The following HIRA variants were observed in gnomAD, a reference collection of about 807,000 sequenced individuals.
The protein encoded by HIRA is protein HIRA.
In HIRA, 13 loss-of-function variants were observed where a neutral mutation model predicts 126.6. That is an observed-to-expected ratio of 0.10 (90% confidence interval 0.07 to 0.16). The LOEUF is 0.16. HIRA is among the 10% of genes least tolerant of loss of function. The pLI is 1.00. For synonymous variants in HIRA, 511 were observed against 520.0 expected (o/e 0.98, Z 0.24); for missense variants, 834 against 1,314.4 (o/e 0.63, Z 5.65).
intron 1 of HIRA, among the ~76,000 whole-genome samples, chr22:19,416,198 T>C (rs1367097152): frequency 6.6e-6 from 1 of 152,262 alleles, no homozygotes; most frequent in Non-Finnish European, 1.5e-5. Context: ...GTTGGATCCC[T>C]ATCTCATACC....
chr22:19,338,666 A>T (rs1403190099), intron 24 of HIRA, among the ~76,000 whole-genome samples: 3 of 152,332 alleles, frequency 2.0e-5, no homozygotes, highest in African/African-American at 7.2e-5. Flanking sequence ...AGAAATAGCT[A>T]TTCTTATATC....
chr22:19,431,281 C>T (rs1319103213), intron 1 of HIRA, among the ~76,000 whole-genome samples, 159 bp downstream of exon 1: 2 of 152,132 alleles, frequency 1.3e-5, no homozygotes, highest in African/African-American at 2.4e-5. Context: ...CCAGCCTCTC[C>T]GCGCTGAGGA....
At chr22:19,410,318 C>A (rs1018456574) in intron 2 of HIRA, among the ~76,000 whole-genome samples, 1 of 152,186 alleles carries the variant, frequency 6.6e-6, no homozygotes, top group Non-Finnish European at 1.5e-5. Flanking sequence ...AATAACTACA[C>A]GATTGCTTTA....
At chr22:19,349,609 A>AT (rs370711402) in intron 24 of HIRA, among the ~76,000 whole-genome samples, 73 of 152,308 alleles carry the variant, frequency 4.8e-4, no homozygotes, top group African/African-American at 1.5e-3. Context: ...TTTACAATAG[A>AT]TTTTTTTAGC....
intron 7 of HIRA, among the ~76,000 whole-genome samples, chr22:19,395,147 A>T (rs937501703): frequency 6.6e-6 from 1 of 152,116 alleles, no homozygotes; most frequent in African/African-American, 2.4e-5. Flanking sequence ...ATCCCTCCAC[A>T]TTATCCCTCC....
At chr22:19,396,406 C>T (rs945839164) in intron 7 of HIRA, among the ~76,000 whole-genome samples, 2 of 152,186 alleles carry the variant, frequency 1.3e-5, no homozygotes, top group African/African-American at 2.4e-5. Flanking sequence ...ATCCCAGCTA[C>T]TCAGGAGGCT....
intron 24 of HIRA, among the ~76,000 whole-genome samples, chr22:19,341,110 G>C (rs1270056550): frequency 6.6e-6 from 1 of 152,176 alleles, no homozygotes; most frequent in African/African-American, 2.4e-5. Context: ...GAGCCCAGGA[G>C]TTCGAAACCA....
rs575050947 is a variant in HIRA, at chr22:19,390,601, C to CAAAAAAAAAAAAAAAAAAAAAAAAAAAA, written c.936+1499_936+1500insTTTTTTTTTTTTTTTTTTTTTTTTTTTT. ...TGGGCAATAGAGGGAGACTCTGTCT[C>CAAAAAAAAAAAAAAAAAAAAAAAAAAAA]AAAAAAAAAAAAAAAAAAAAAAAAA... is the stretch of plus-strand genomic sequence containing the variant. On this transcript the variant is annotated intron_variant, in intron 9 of 24. Transcript: ENST00000263208. Among the ~76,000 whole-genome samples, 11 of 38,340 alleles carry CAAAAAAAAAAAAAAAAAAAAAAAAAAAA rather than the reference C, an allele frequency of 2.9e-4. 1 individual carries two copies. Among genetic ancestry groups the CAAAAAAAAAAAAAAAAAAAAAAAAAAAA allele is most frequent in the South Asian group, 1.8e-3 (1 of 548 alleles). The allele number at this position is 38,340 out of a possible 152,430, so 25.2% of individuals were successfully genotyped here. A position where few individuals can be genotyped will look rare whatever the true frequency, so the allele number is the denominator to read the frequency against.
rs2089539431 is a variant in HIRA at position 19,431,529 on chromosome 22, G to C, written c.-53C>G. On this transcript the variant is annotated 5_prime_UTR_variant, in exon 1 of 25. Coordinates refer to ENST00000263208, the MANE Select transcript of HIRA (RefSeq NM_003325.4). ...AGGCGAGCGCCGGGTCCCTCAGCGC[G>C]CCCGGGCCATGGAGCCACCGCCGCC... 6.8e-7 allele frequency: 1 copy of C among 1,473,906 alleles called. No individual in the cohort carries two copies. Among genetic ancestry groups the C allele is most frequent in the Non-Finnish European group, 9.0e-7 (1 of 1,107,220 alleles). 91.3% of individuals were successfully genotyped at this position (1,473,906 alleles called of 1,614,324 possible). A position where few individuals can be genotyped will look rare whatever the true frequency, so the allele number is the denominator to read the frequency against.
At chr22:19,354,761 G>A (rs2088794233) in intron 21 of HIRA, among the ~76,000 whole-genome samples, 1 of 149,370 alleles carries the variant, frequency 6.7e-6, no homozygotes, top group African/African-American at 2.4e-5. Context: ...GGGGGAGCAG[G>A]CAGTGGAGAT....
chr22:19,364,359 C>T (rs1440531000), intron 15 of HIRA, among the ~76,000 whole-genome samples: 1 of 152,100 alleles, frequency 6.6e-6, no homozygotes, highest in Non-Finnish European at 1.5e-5. Context: ...CACAGGCATA[C>T]CTTGTGTTAT....
chr22:19,373,662 C>G (rs1344905443), intron 15 of HIRA, among the ~76,000 whole-genome samples: 1 of 152,186 alleles, frequency 6.6e-6, no homozygotes, highest in East Asian at 1.9e-4. Flanking sequence ...TGTGGTTACA[C>G]AGTCTCAAGG....
At chr22:19,350,363 A>G (rs1392017369) in intron 24 of HIRA, among the ~76,000 whole-genome samples, 1 of 152,174 alleles carries the variant, frequency 6.6e-6, no homozygotes, top group African/African-American at 2.4e-5. Context: ...GATTGAATGA[A>G]GCTGTGAGCT....
intron 5 of HIRA, chr22:19,405,457 G>T (rs2089300470): frequency 1.0e-6 from 1 of 983,770 alleles, no homozygotes; most frequent in South Asian, 4.7e-5. Context: ...AACAAAGTGT[G>T]CTTACGGACT....
In HIRA at chr22:19,361,722, C is replaced by T; in HGVS notation, c.1980+5G>A. 1 of 1,612,256 alleles carries T rather than the reference C, an allele frequency of 6.2e-7. No homozygotes were observed. Among genetic ancestry groups the T allele is most frequent in the Non-Finnish European group, 8.5e-7 (1 of 1,179,942 alleles). On this transcript the variant is annotated splice_donor_5th_base_variant and intron_variant, in intron 16 of 24. Coordinates refer to ENST00000263208, the MANE Select transcript of HIRA (RefSeq NM_003325.4). Reference sequence around the variant, plus strand: ...AAGAAGGCAGGATGGGCCCACTGGCCTCACCTGGACAGACAGAGACACAGG... The same window carrying T: ...AAGAAGGCAGGATGGGCCCACTGGCTTCACCTGGACAGACAGAGACACAGG...
intron 2 of HIRA, among the ~76,000 whole-genome samples, chr22:19,408,808 G>A (rs1175179349): frequency 6.6e-6 from 1 of 152,198 alleles, no homozygotes; most frequent in Admixed American, 6.5e-5. Flanking sequence ...GCAGTCAGCA[G>A]AAGTCAACCT....
Position 19,354,009 on chromosome 22 carries a change from C to T in HIRA, c.2671G>A (p.Gly891Ser). 1 of 1,613,346 alleles carries T rather than the reference C, an allele frequency of 6.2e-7. No homozygotes were observed. Among genetic ancestry groups the T allele is most frequent in the Non-Finnish European group, 8.5e-7 (1 of 1,179,760 alleles). Residue 891 changes from glycine to serine, a missense_variant, in exon 22 of 25, where the codon GGC becomes AGC. Coordinates refer to ENST00000263208, the MANE Select transcript of HIRA (RefSeq NM_003325.4). ...LCSGPLAIIQ[G>S]RTSNSGRQAA... ...CAGGTCACGTACTTGGAGGTGCGGC[C>T]CTGGATTATGGCTAACGGTCCTGAG...
intron 1 of HIRA, 41 bp downstream of exon 1, chr22:19,431,399 G>A (rs1266047125): frequency 1.7e-5 from 28 of 1,601,148 alleles, no homozygotes; most frequent in Non-Finnish European, 2.2e-5. Context: ...ACCCCGACCC[G>A]ACTCCGGGCT....
intron 13 of HIRA, among the ~76,000 whole-genome samples, chr22:19,379,409 G>A (rs1300349224): frequency 2.7e-5 from 4 of 150,568 alleles, no homozygotes; most frequent in Admixed American, 6.6e-5. Flanking sequence ...GGTGGATCAC[G>A]AGGTCAAGAG....
Sources: gnomAD v4.1 joint callset for allele counts (sites outside exome capture counted in the v4.1 genomes callset) on GRCh38, gnomAD v4.1.1 for gene constraint, MANE v1.5 for transcripts, NCBI Gene and HGNC (gene_info 2026-07-23, HGNC 2026-07-21) for gene names.